OXNAD1: variants seen among roughly 807,000 people sequenced by gnomAD.
The protein encoded by OXNAD1 is oxidoreductase NAD binding domain containing 1.
A neutral mutation model predicts 32.9 loss-of-function variants in OXNAD1; 34 were observed. That is an observed-to-expected ratio of 1.03 (90% confidence interval 0.79 to 1.38). The LOEUF (loss-of-function observed/expected upper bound fraction) is 1.38. Ranked by LOEUF, OXNAD1 falls within the 40% of genes most tolerant of loss-of-function variation. The pLI is 0.00. For synonymous variants in OXNAD1, 134 were observed against 135.2 expected (o/e 0.99, Z 0.06); for missense variants, 407 against 379.4 (o/e 1.07, Z -0.60).
chr3:16,281,713 TAGCACTTG>T (rs1278584991), intron 4 of OXNAD1, among the ~76,000 whole-genome samples: 1 of 152,154 alleles, frequency 6.6e-6, no homozygotes, highest in African/African-American at 2.4e-5. Context: ...TCACATAGCC[TAGCACTTG>T]ATCGTGACGC....
intron 4 of OXNAD1, among the ~76,000 whole-genome samples, chr3:16,281,062 C>T (rs2065703882): frequency 6.6e-6 from 1 of 152,158 alleles, no homozygotes; most frequent in African/African-American, 2.4e-5. Context: ...AAAAGAATAG[C>T]ATATAACAGG....
rs111973730 is a variant in OXNAD1, at chr3:16,342,903, G to C, written c.*31-6273G>C. Among the ~76,000 whole-genome samples the C allele has an allele frequency of 2.0e-5, 3 of 152,160 alleles. No homozygotes were observed. The highest frequency in any genetic ancestry group is 2.1e-4 in the South Asian group (1 of 4,822). On this transcript the variant is annotated intron_variant, in intron 9 of 9. Transcript: ENST00000606098. This position sits in a 1 kb window ranked among gnomAD's most constrained non-coding sequence, Gnocchi z 4.0. Reference sequence around the variant, plus strand: ...CGAAGACCCACTGACTTTGAGTCTCGATCTCAGCTCACTGCAGCCTCAACC... The same window carrying C: ...CGAAGACCCACTGACTTTGAGTCTCCATCTCAGCTCACTGCAGCCTCAACC...
At position 16,272,543 on chromosome 3, in the gene OXNAD1, TTAATG is replaced by T. The variant is rs1364849750; in HGVS notation, c.183+825_183+829del. On this transcript the variant is annotated intron_variant, in intron 4 of 8. Transcript: ENST00000285083. The stretch of plus-strand genomic sequence containing the variant: ...TTATCTATTAATAGAAGGATACACT[TTAATG>T]TAAAGGCATATTGTTTAGGCCCTAC... Among the ~76,000 whole-genome samples, 6 of 152,264 alleles carry T rather than the reference TTAATG, an allele frequency of 3.9e-5. No homozygotes were observed. The South Asian group carries it at 1.0e-3, about 26-fold the overall frequency.
chr3:16,347,397 G>A (rs1207507326), intron 9 of OXNAD1, among the ~76,000 whole-genome samples: 1 of 152,222 alleles, frequency 6.6e-6, no homozygotes, highest in African/African-American at 2.4e-5. Flanking sequence ...CAGTATCACT[G>A]GGTCAAAAGT....
rs2068014015 is a variant in OXNAD1, at chr3:16,312,019, G to A, written c.*30+8427G>A. Among the ~76,000 whole-genome samples, 1 of 152,200 alleles carries A rather than the reference G, an allele frequency of 6.6e-6. No homozygotes were observed. Among genetic ancestry groups the A allele is most frequent in the Non-Finnish European group, 1.5e-5 (1 of 68,040 alleles). ...GTAGCCTGGCTTCCTCTGCTGGAGG[G>A]ACATGCCGCTGTTGTGCAAGGGCTG... On this transcript the variant is annotated intron_variant, in intron 9 of 9. Transcript: ENST00000435829. This position sits in a 1 kb window ranked among gnomAD's most constrained non-coding sequence, Gnocchi z 4.7.
rs1186059981 is a variant in OXNAD1 at position 16,287,438 on chromosome 3, A to G, written c.290+990A>G. 6.6e-6 allele frequency among the ~76,000 whole-genome samples: 1 copy of G among 152,222 alleles called. No homozygotes were observed. The highest frequency in any genetic ancestry group is 1.5e-5 in the Non-Finnish European group (1 of 68,032). On this transcript the variant is annotated intron_variant, in intron 5 of 8. Transcript: ENST00000285083. This position sits in a 1 kb window ranked among gnomAD's most constrained non-coding sequence, Gnocchi z 4.8. ...TTGCAATAATTTGGGTTTGTGAAGC[A>G]ATTTACTGCAATCTTTGCACATGTT...
chr3:16,311,020 T>C (rs1335658340), downstream of OXNAD1, among the ~76,000 whole-genome samples: 3 of 138,574 alleles, frequency 2.2e-5, no homozygotes, highest in Admixed American at 7.1e-5. Flanking sequence ...AAAAATCATC[T>C]GGGAGAATTC....
rs1220817048 is a variant in OXNAD1, at chr3:16,345,820, GCGCGCGCGTGCGCGCA to G, written c.*31-3350_*31-3335del. Among the ~76,000 whole-genome samples, 340 of 56,920 alleles carry G rather than the reference GCGCGCGCGTGCGCGCA, an allele frequency of 6.0e-3. 2 individuals are homozygous for G. Among genetic ancestry groups the G allele is most frequent in the East Asian group, 0.034 (79 of 2,312 alleles). 37.3% of individuals were successfully genotyped at this position (56,920 alleles called of 152,430 possible). The stretch of plus-strand genomic sequence containing the variant: ...TGTGTGTGTGTGTGTGTGTGTGTGC[GCGCGCGCGTGCGCGCA>G]CGCGCACATGTGCATGTGTATGTGT... On this transcript the variant is annotated intron_variant, in intron 9 of 9. Transcript: ENST00000606098. The surrounding 1 kb of genome is among the most constrained non-coding windows in gnomAD (Gnocchi z 5.2).
chr3:16,282,848 G>A (rs2065846305), intron 4 of OXNAD1, among the ~76,000 whole-genome samples: 2 of 121,538 alleles, frequency 1.6e-5, no homozygotes, highest in African/African-American at 6.2e-5. Context: ...TTTTTTCGGT[G>A]ATTGAGTAGT....
rs534980484 is a variant in OXNAD1 at position 16,288,565 on chromosome 3, T to A, written c.290+2117T>A. 6.6e-6 allele frequency among the ~76,000 whole-genome samples: 1 copy of A among 152,166 alleles called. No homozygotes were observed. Among genetic ancestry groups the A allele is most frequent in the Non-Finnish European group, 1.5e-5 (1 of 68,040 alleles). On this transcript the variant is annotated intron_variant, in intron 5 of 8. Transcript: ENST00000285083. The surrounding 1 kb of genome is among the most constrained non-coding windows in gnomAD (Gnocchi z 5.1). ...AGATCAGATATAGGCCTCAAGGGGC[T>A]CTTTTTGCACTACACTGTATTCTTA... is the stretch of plus-strand genomic sequence containing the variant.
chr3:16,332,797 T>C (rs1030348491), intron 9 of OXNAD1, among the ~76,000 whole-genome samples: 10 of 78,938 alleles, frequency 1.3e-4, no homozygotes, highest in African/African-American at 5.1e-4. Context: ...TCTTCTACTT[T>C]ATCTTCTTCT....
intron 1 of OXNAD1, among the ~76,000 whole-genome samples, chr3:16,266,219 A>G (rs1259943247): frequency 6.6e-6 from 1 of 152,174 alleles, no homozygotes; most frequent in Non-Finnish European, 1.5e-5. Context: ...TTTAGATGTA[A>G]TGTTCCACTT....
At chr3:16,309,474 T>G (rs191210577), downstream of OXNAD1, among the ~76,000 whole-genome samples, 12 of 150,644 alleles carry the variant, frequency 8.0e-5, no homozygotes, top group East Asian at 2.4e-3. Context: ...TGAAAGGTGA[T>G]TTTTTTAACT....
At chr3:16,307,356 C>G (rs2067633430), downstream of OXNAD1, among the ~76,000 whole-genome samples, 1 of 152,118 alleles carries the variant, frequency 6.6e-6, no homozygotes, top group East Asian at 1.9e-4. Flanking sequence ...AAAAAGTTCT[C>G]TAATAAACAG....
At position 16,288,116 on chromosome 3, in the gene OXNAD1, C is replaced by T. The variant is rs1418055686; in HGVS notation, c.290+1668C>T. On this transcript the variant is annotated intron_variant, in intron 5 of 8. Transcript: ENST00000285083. This position sits in a 1 kb window ranked among gnomAD's most constrained non-coding sequence, Gnocchi z 5.1. Reference sequence around the variant, plus strand: ...TCCTTTTGATATTTGACCTTATGGTCACAGAATGGCCATTTTGCTGAGGTT... The same window carrying T: ...TCCTTTTGATATTTGACCTTATGGTTACAGAATGGCCATTTTGCTGAGGTT... 2.6e-5 allele frequency among the ~76,000 whole-genome samples: 4 copies of T among 152,156 alleles called. No individual in the cohort carries two copies. Among genetic ancestry groups the T allele is most frequent in the Non-Finnish European group, 5.9e-5 (4 of 68,022 alleles).
At chr3:16,309,521 G>GCATTTTTTT, downstream of OXNAD1, among the ~76,000 whole-genome samples, 7 of 72,892 alleles carry the variant, frequency 9.6e-5, no homozygotes, top group South Asian at 4.6e-4. Context: ...TTGTTCCGTA[G>GCATTTTTTT]GCCTGTCTGT....
rs1275898784 is a variant in OXNAD1, at chr3:16,302,659, T to C, written c.695T>C (p.Val232Ala). Residue 232 changes from valine (V) to alanine (A), a missense_variant, in exon 8 of 9, where the codon GTA (valine) becomes GCA (alanine). Coordinates refer to ENST00000285083, the MANE Select transcript of OXNAD1 (RefSeq NM_138381.5). This position sits in a 1 kb window ranked among gnomAD's most constrained non-coding sequence, Gnocchi z 4.2. The part of the protein sequence containing the change: ...LLFKKNILDL[V>A]NEFPEKIACS... ...TTCCAGAAAAATATCCTTGATTTAG[T>C]AAATGAATTTCCTGAGAAGATTGCA... 6.2e-7 allele frequency: 1 copy of C among 1,611,360 alleles called. No homozygotes were observed. The highest frequency in any genetic ancestry group is 1.7e-5 in the Admixed American group (1 of 59,814).
At position 16,317,896 on chromosome 3, in the gene OXNAD1, C is replaced by A. The variant is rs2068596855; in HGVS notation, c.*30+14304C>A. 6.6e-6 allele frequency among the ~76,000 whole-genome samples: 1 copy of A among 152,198 alleles called. No individual in the cohort carries two copies. Among genetic ancestry groups the A allele is most frequent in the Non-Finnish European group, 1.5e-5 (1 of 68,028 alleles). On this transcript the variant is annotated intron_variant, in intron 9 of 9. Coordinates refer to the OXNAD1 transcript ENST00000435829. The surrounding 1 kb of genome is among the most constrained non-coding windows in gnomAD (Gnocchi z 4.3). ...TCCCAATTTGGGATAACGCAAATGC[C>A]ATCCCAGCTCCAAGCCAACCTGGGG...
rs567410528 is a variant in OXNAD1 at position 16,336,309 on chromosome 3, G to A, written c.*31-803G>A. On this transcript the variant is annotated intron_variant, in intron 9 of 9. Coordinates refer to the OXNAD1 transcript ENST00000435829. This position sits in a 1 kb window ranked among gnomAD's most constrained non-coding sequence, Gnocchi z 6.0. ...ACTTGGGAAGCCTCTTCTGCCCCAG[G>A]AGATCCCAGTCTAGGGGTGGGGAGA... 1.3e-5 allele frequency among the ~76,000 whole-genome samples: 2 copies of A among 152,306 alleles called. No homozygotes were observed. The highest frequency in any genetic ancestry group is 2.4e-5 in the African/African-American group (1 of 41,578).
Sources: gnomAD v4.1 joint callset for allele counts (sites outside exome capture counted in the v4.1 genomes callset) on GRCh38, gnomAD v4.1.1 for gene constraint, Gnocchi (gnomAD v3.1) non-coding constraint, MANE v1.5 for transcripts, NCBI Gene and HGNC (gene_info 2026-07-23, HGNC 2026-07-21) for gene names.